ZC3H12B: variants seen among roughly 807,000 people sequenced by gnomAD.
The protein encoded by ZC3H12B is zinc finger CCCH-type containing 12B, also known as probable ribonuclease ZC3H12B.
A neutral mutation model predicts 43.9 loss-of-function variants in ZC3H12B; 7 were observed. The observed-to-expected ratio is 0.16, with a 90% confidence interval of 0.09 to 0.30. The LOEUF is 0.30. Among genes scored for constraint, ZC3H12B ranks in the 10% least tolerant of loss-of-function variants. ZC3H12B has a pLI of 1.00. For missense variants in ZC3H12B, 475 were observed against 670.2 expected (o/e 0.71, Z 3.22); for synonymous variants, 222 against 241.7 (o/e 0.92, Z 0.76).
the ZC3H12B span, among the ~76,000 whole-genome samples, chrX:65,084,322 C>T: frequency 9.0e-6 from 1 of 111,315 alleles, no homozygotes; most frequent in Non-Finnish European, 1.9e-5. Context: ...AAGAGACAAT[C>T]CACAGGATGG....
the ZC3H12B span, among the ~76,000 whole-genome samples, chrX:65,245,032 A>G: frequency 1.8e-5 from 2 of 111,386 alleles, no homozygotes; most frequent in African/African-American, 6.5e-5. Context: ...GATTCAGATC[A>G]TCACAATCGG....
the ZC3H12B span, among the ~76,000 whole-genome samples, chrX:65,334,902 T>A: frequency 8.9e-6 from 1 of 111,855 alleles, no homozygotes; most frequent in African/African-American, 3.2e-5. Context: ...GCCCATTCTG[T>A]AATTGCCCCA....
chrX:65,384,603 TA>T (rs759675174), intron 2 of ZC3H12B, among the ~76,000 whole-genome samples: 13 of 111,178 alleles, frequency 1.2e-4, no homozygotes, highest in African/African-American at 3.9e-4. Context: ...TGCTATAGTT[TA>T]AAAAAAATGG....
At chrX:65,233,142 T>G in the ZC3H12B span, among the ~76,000 whole-genome samples, 1 of 111,795 alleles carries the variant, frequency 8.9e-6, no homozygotes, top group African/African-American at 3.2e-5. Context: ...CACAATACAA[T>G]TACAGTGGGG....
the ZC3H12B span, among the ~76,000 whole-genome samples, chrX:65,144,884 C>A: frequency 9.0e-6 from 1 of 111,462 alleles, no homozygotes; most frequent in African/African-American, 3.3e-5. Flanking sequence ...GTTTTGTGGC[C>A]TATCATTTGG....
chrX:65,209,499 T>A, the ZC3H12B span, among the ~76,000 whole-genome samples: 1 of 96,535 alleles, frequency 1.0e-5, no homozygotes, highest in Admixed American at 1.2e-4. Flanking sequence ...TTGAGTGAGA[T>A]TCTTAATCCT....
At chrX:65,082,751 A>G in the ZC3H12B span, among the ~76,000 whole-genome samples, 7 of 111,128 alleles carry the variant, frequency 6.3e-5, no homozygotes, top group African/African-American at 2.3e-4. Flanking sequence ...GACTTCCACA[A>G]TCATTCTATG....
chrX:65,067,185 T>TAAA, the ZC3H12B span, among the ~76,000 whole-genome samples: 9 of 101,027 alleles, frequency 8.9e-5, no homozygotes, highest in African/African-American at 2.9e-4. Context: ...GCCACTCTGT[T>TAAA]AAAAAAAAAA....
intron 3 of ZC3H12B, among the ~76,000 whole-genome samples, chrX:65,404,915 A>C (rs1328207625): frequency 8.9e-6 from 1 of 112,553 alleles, no homozygotes; most frequent in Non-Finnish European, 1.9e-5. Context: ...TCTTTTCTTC[A>C]GCACATGGAT....
chrX:65,365,540 G>A (rs1447772154), upstream of ZC3H12B, among the ~76,000 whole-genome samples: 1 of 110,333 alleles, frequency 9.1e-6, no homozygotes, highest in Non-Finnish European at 1.9e-5. Flanking sequence ...CCCTAATCCC[G>A]CTCAAAGTAG....
the ZC3H12B span, among the ~76,000 whole-genome samples, chrX:65,170,338 A>G: frequency 9.0e-6 from 1 of 111,598 alleles, no homozygotes; most frequent in African/African-American, 3.3e-5. Context: ...AAATTATTTT[A>G]TTTAAGATTG....
At chrX:65,405,044 G>T (rs1351835696) in intron 3 of ZC3H12B, among the ~76,000 whole-genome samples, 1 of 112,068 alleles carries the variant, frequency 8.9e-6, no homozygotes, top group African/African-American at 3.2e-5. Context: ...TTAATGATAA[G>T]ATAAATTTGG....
chrX:65,462,527 T>C (rs2067765295), intron 3 of ZC3H12B, among the ~76,000 whole-genome samples: 1 of 111,757 alleles, frequency 8.9e-6, no homozygotes. Flanking sequence ...TAAAATAGAA[T>C]AAAAAACTTC....
At chrX:65,440,056 C>G (rs1324330207) in intron 3 of ZC3H12B, among the ~76,000 whole-genome samples, 2 of 112,130 alleles carry the variant, frequency 1.8e-5, no homozygotes, top group Admixed American at 1.9e-4. Flanking sequence ...CCAAATAATG[C>G]TAGATTCAAC....
chrX:65,251,093 A>C, the ZC3H12B span, among the ~76,000 whole-genome samples: 2 of 111,817 alleles, frequency 1.8e-5, no homozygotes, highest in Non-Finnish European at 3.8e-5. Context: ...ATCCTTTAAT[A>C]TATCTTGAAT....
At chrX:65,157,250 A>G in the ZC3H12B span, among the ~76,000 whole-genome samples, 249 of 111,916 alleles carry the variant, frequency 2.2e-3, 1 homozygote, top group African/African-American at 7.2e-3. Context: ...CAATATGCTG[A>G]GATTACAGGC....
the ZC3H12B span, among the ~76,000 whole-genome samples, chrX:65,249,118 C>A: frequency 1.8e-5 from 2 of 111,591 alleles, no homozygotes; most frequent in Non-Finnish European, 3.8e-5. Flanking sequence ...GTGTTTATTG[C>A]ATTTGCTTTT....
chrX:65,113,783 A>G, the ZC3H12B span, among the ~76,000 whole-genome samples: 1 of 107,992 alleles, frequency 9.3e-6, no homozygotes. Flanking sequence ...CTCAGATAGC[A>G]TTTTTAACAA....
At chrX:65,206,915 A>G in the ZC3H12B span, among the ~76,000 whole-genome samples, 1 of 110,284 alleles carries the variant, frequency 9.1e-6, no homozygotes, top group Non-Finnish European at 1.9e-5. Flanking sequence ...ATACTCAACA[A>G]CACTAATTAT....
Sources: allele counts gnomAD v4.1 joint callset (sites outside exome capture counted in the v4.1 genomes callset), GRCh38; gene constraint gnomAD v4.1.1; transcripts MANE v1.5; gene names NCBI Gene and HGNC (gene_info 2026-07-23, HGNC 2026-07-21).